Variants in ETV1 observed in about 807,000 individuals in gnomAD.
ETV1 encodes ETS translocation variant 1.
In ETV1, 27 loss-of-function variants were observed where a neutral mutation model predicts 62.3. The ratio of observed to expected loss-of-function variants is 0.43; its 90% confidence interval spans 0.32 to 0.60. The LOEUF is 0.60. Among genes scored for constraint, ETV1 ranks in the 20% least tolerant of loss-of-function variants. The probability of loss-of-function intolerance (pLI) is 0.06; values close to 1 mark genes in which losing one functional copy is unlikely to be tolerated. For synonymous variants in ETV1, 222 were observed against 199.6 expected (o/e 1.11, Z -0.94); for missense variants, 605 against 605.8 (o/e 1.00, Z 0.01).
intron 6 of ETV1, among the ~76,000 whole-genome samples, chr7:13,952,565 C>A (rs143394490): frequency 6.6e-6 from 1 of 152,098 alleles, no homozygotes; most frequent in African/African-American, 2.4e-5. Context: ...AGGGAGGGTA[C>A]ATAATGCACG....
chr7:13,950,554 C>T (rs922130778), intron 6 of ETV1, among the ~76,000 whole-genome samples: 42 of 152,234 alleles, frequency 2.8e-4, no homozygotes, highest in African/African-American at 9.1e-4. Context: ...TGGTGGCCTT[C>T]GGATGAATGC....
intron 6 of ETV1, among the ~76,000 whole-genome samples, chr7:13,976,279 G>A (rs1237647527): frequency 6.6e-6 from 1 of 152,192 alleles, no homozygotes; most frequent in Non-Finnish European, 1.5e-5. Flanking sequence ...AAGTTCTGAA[G>A]TTGAATAGTG....
chr7:13,983,714 T>TA (rs35601993), intron 5 of ETV1, among the ~76,000 whole-genome samples: 84,287 of 146,914 alleles, frequency 0.57, 24,379 homozygotes, highest in African/African-American at 0.65. Flanking sequence ...GTTTAGATGT[T>TA]AAAAAAAAAA....
At chr7:13,923,877 A>G (rs1785124017) in intron 9 of ETV1, among the ~76,000 whole-genome samples, 2 of 152,064 alleles carry the variant, frequency 1.3e-5, no homozygotes, top group Admixed American at 1.3e-4. Context: ...TACTAAAAAT[A>G]CAAAATTAGC....
At chr7:13,909,334 T>A (rs994367768) in intron 11 of ETV1, among the ~76,000 whole-genome samples, 5 of 152,120 alleles carry the variant, frequency 3.3e-5, no homozygotes, top group Non-Finnish European at 5.9e-5. Context: ...AATAACAAGC[T>A]GCATGTGCTC....
chr7:13,935,849 G>T lies in ETV1; in HGVS notation c.413C>A (p.Pro138His), dbSNP rs776585267. Residue 138 changes from proline to histidine, a missense_variant, in exon 8 of 14, where the codon CCC becomes CAC. Physicochemically the swap from Pro to His is moderately conservative, Grantham distance 77 (BLOSUM62 -2). Coordinates refer to ENST00000430479, the MANE Select transcript of ETV1 (RefSeq NM_004956.5). The part of the protein sequence containing the change: ...PQVGMRPSNP[P>H]TPSSTPVSPL... The stretch of plus-strand genomic sequence containing the variant: ...GGACACTGGCGTGCTGGATGGTGTG[G>T]GGGGGTTGGAGGGCCTCATTCCCAC... The T allele has an allele frequency of 3.1e-6, 5 of 1,613,884 alleles. No homozygotes were observed. The highest frequency in any genetic ancestry group is 1.3e-5 in the African/African-American group (1 of 75,018).
chr7:13,902,210 T>C (rs917095), intron 12 of ETV1, among the ~76,000 whole-genome samples: 1 of 151,820 alleles, frequency 6.6e-6, no homozygotes, highest in African/African-American at 2.4e-5. Flanking sequence ...CTAAAATAGA[T>C]TGCTTTTCAA....
chr7:13,960,412 A>G (rs565421777), intron 6 of ETV1, among the ~76,000 whole-genome samples: 1 of 152,328 alleles, frequency 6.6e-6, no homozygotes, highest in African/African-American at 2.4e-5. Flanking sequence ...TTCAATACTC[A>G]TCTATGTGCC....
chr7:13,931,458 T>C (rs771873127), intron 9 of ETV1, 44 bp downstream of exon 9: 1 of 1,610,278 alleles, frequency 6.2e-7, no homozygotes, highest in African/African-American at 1.3e-5. Context: ...ACAAGGGAGG[T>C]GAAAAAGTGC....
intron 10 of ETV1, among the ~76,000 whole-genome samples, chr7:13,910,951 G>T (rs1334244886): frequency 6.6e-6 from 1 of 152,104 alleles, no homozygotes; most frequent in Non-Finnish European, 1.5e-5. Flanking sequence ...AGTAAAGTGG[G>T]CTAATCTATA....
intron 9 of ETV1, among the ~76,000 whole-genome samples, chr7:13,929,913 T>C (rs1334888308): frequency 1.3e-5 from 2 of 152,188 alleles, no homozygotes; most frequent in African/African-American, 2.4e-5. Context: ...CAGTTCATTA[T>C]CAACCAGGTA....
At chr7:13,973,967 A>T (rs1420995767) in intron 6 of ETV1, among the ~76,000 whole-genome samples, 1 of 152,194 alleles carries the variant, frequency 6.6e-6, no homozygotes, top group Admixed American at 6.5e-5. Flanking sequence ...TGATAATTTT[A>T]CTTATTGTTC....
At position 13,953,974 on chromosome 7, in the gene ETV1, G is replaced by A. The variant is rs980855751; in HGVS notation, c.236-14728C>T. ...CTTTTTTATTAAATCACAAACACAG[G>A]AGCTCCACCTTAAGATTTTACATTA... On this transcript the variant is annotated intron_variant, in intron 6 of 13. Transcript: ENST00000430479. Among the ~76,000 whole-genome samples the A allele has an allele frequency of 2.0e-5, 3 of 152,064 alleles. No individual in the cohort carries two copies. In the South Asian group the frequency reaches 6.2e-4, roughly 32 times the overall value.
At position 13,893,474 on chromosome 7, in the gene ETV1, T is replaced by C. The variant is rs1012696187; in HGVS notation, c.*2392A>G. 4.3e-6 allele frequency: 1 copy of C among 231,274 alleles called. No individual in the cohort carries two copies. The highest frequency in any genetic ancestry group is 8.6e-6 in the Non-Finnish European group (1 of 116,954). The allele number at this position is 231,274 out of a possible 1,614,324, so 14.3% of individuals were successfully genotyped here. On this transcript the variant is annotated 3_prime_UTR_variant, in exon 14 of 14. Coordinates refer to ENST00000430479, the MANE Select transcript of ETV1 (RefSeq NM_004956.5). ...TATTTAGTTCAGTGAGTCACTACGT[T>C]AAAACAGCAAAACATATAGTTTGTC...
At chr7:13,912,628 G>A (rs1055995724) in intron 9 of ETV1, among the ~76,000 whole-genome samples, 1 of 152,130 alleles carries the variant, frequency 6.6e-6, no homozygotes, top group Non-Finnish European at 1.5e-5. Flanking sequence ...GAATACGACT[G>A]TGTTTTTGCC....
rs1477141221 is a variant in ETV1, at chr7:13,909,698, A to T, written c.874T>A (p.Cys292Ser). 6.2e-7 allele frequency: 1 copy of T among 1,610,874 alleles called. No homozygotes were observed. The highest frequency in any genetic ancestry group is 8.5e-7 in the Non-Finnish European group (1 of 1,177,320). The change falls in exon 11 of 14, where the codon TGT (cysteine) becomes AGT (serine). Residue 292 changes from cysteine (C) to serine (S), a missense_variant and splice_region_variant. Around this residue, in one of 3 missense-constraint regions of ETV1, gnomAD observed 426 missense variants for 377.8 expected, o/e 1.13. Transcript: ENST00000430479. Reference sequence around the variant, plus strand: ...TGCCTGGGGCCCTTTTCAAACATACAGCCTGTGGATGAAAAAGGAATACAT... The same window carrying T: ...TGCCTGGGGCCCTTTTCAAACATACTGCCTGTGGATGAAAAAGGAATACAT... ...FLAHPSRTEGCMFEKGPRQFY... is the reference protein window; with the variant it reads ...FLAHPSRTEGSMFEKGPRQFY...
intron 6 of ETV1, among the ~76,000 whole-genome samples, chr7:13,958,279 G>A (rs896357738): frequency 2.0e-5 from 3 of 152,022 alleles, no homozygotes. Flanking sequence ...TTTCCAGGTT[G>A]GCCCATTTGT....
Position 13,906,339 on chromosome 7 carries a change from A to T in ETV1, c.1110+91T>A. On this transcript the variant is annotated intron_variant, in intron 12 of 13. Transcript: ENST00000430479. ...GTTTCCCTAAAGTCTTGAAATGATT[A>T]AGAATACATTTTTGGTATATTAATC... is the stretch of plus-strand genomic sequence containing the variant. The T allele has an allele frequency of 4.7e-6, 4 of 856,430 alleles. No individual in the cohort carries two copies. The South Asian group carries it at 8.6e-5, about 18-fold the overall frequency. The allele number at this position is 856,430 out of a possible 1,614,324, so 53.1% of individuals were successfully genotyped here.
intron 6 of ETV1, among the ~76,000 whole-genome samples, chr7:13,967,510 T>C (rs1780425362): frequency 6.6e-6 from 1 of 152,164 alleles, no homozygotes; most frequent in African/African-American, 2.4e-5. Flanking sequence ...AATGGAGTTC[T>C]TGAGTTAACA....
Sources: gnomAD v4.1 joint callset for allele counts (sites outside exome capture counted in the v4.1 genomes callset) on GRCh38, gnomAD v4.1.1 for gene constraint, gnomAD v4.1.1 regional missense constraint, MANE v1.5 for transcripts, NCBI Gene and HGNC (gene_info 2026-07-23, HGNC 2026-07-21) for gene names.